OPN3: variants seen among roughly 807,000 people sequenced by gnomAD.
The protein encoded by OPN3 is opsin-3.
OPN3 carries 29 observed loss-of-function variants against 33.8 expected under a neutral mutation model. That is an observed-to-expected ratio of 0.86 (90% CI 0.64 to 1.17). The LOEUF (loss-of-function observed/expected upper bound fraction) is 1.17, where lower values mean the gene tolerates loss of function less well. OPN3 is among the 50% of genes most tolerant of loss of function. OPN3 has a pLI of 0.00. For synonymous variants in OPN3, 216 were observed against 216.1 expected, an observed-to-expected ratio of 1.00 and a Z score of 0.00; for missense variants, 437 against 514.1, an observed-to-expected ratio of 0.85 and a Z score of 1.45.
At chr1:241,598,617 C>G (rs1663600230) in intron 2 of OPN3, among the ~76,000 whole-genome samples, 1 of 152,174 alleles carries the variant, frequency 6.6e-6, no homozygotes, top group South Asian at 2.1e-4. Context: ...AAAACAACTC[C>G]TTCCTCTAAA....
At position 241,593,729 on chromosome 1, in the gene OPN3, A is replaced by C. The variant is rs1035659510; in HGVS notation, c.*699T>G. The C allele has an allele frequency of 3.9e-5, 6 of 155,132 alleles. No homozygotes were observed. Among genetic ancestry groups the C allele is most frequent in the Non-Finnish European group, 8.6e-5 (6 of 69,882 alleles). 9.6% of individuals were successfully genotyped at this position (155,132 alleles called of 1,614,324 possible). On this transcript the variant is annotated 3_prime_UTR_variant, in exon 4 of 4. Transcript: ENST00000366554. Reference sequence around the variant, plus strand: ...ACTCCCTGGCTTATATAGCATCGACAAAGAACAGTAAATTTTTAGAGAAAC... The same window carrying C: ...ACTCCCTGGCTTATATAGCATCGACCAAGAACAGTAAATTTTTAGAGAAAC...
chr1:241,607,440 G>A (rs1383930091), intron 1 of OPN3, among the ~76,000 whole-genome samples: 2 of 152,000 alleles, frequency 1.3e-5, no homozygotes, highest in African/African-American at 4.8e-5. Flanking sequence ...CTTGAACCTC[G>A]GAGACAGAGG....
intron 2 of OPN3, 147 bp from the exon 3 acceptor site, chr1:241,598,144 T>A (rs895107776): frequency 1.1e-6 from 1 of 886,344 alleles, no homozygotes; most frequent in Non-Finnish European, 1.7e-6. Flanking sequence ...TGACTTCTGA[T>A]CCAAGACTCA....
intron 1 of OPN3, among the ~76,000 whole-genome samples, chr1:241,614,711 C>T (rs1291982648): frequency 6.6e-6 from 1 of 152,272 alleles, no homozygotes; most frequent in Non-Finnish European, 1.5e-5. Flanking sequence ...GGACAGATAT[C>T]CTAGCCTTAG....
chr1:241,638,774 G>T (rs766671775), intron 1 of OPN3, among the ~76,000 whole-genome samples: 1 of 152,098 alleles, frequency 6.6e-6, no homozygotes, highest in African/African-American at 2.4e-5. Context: ...GCCAAAAAAT[G>T]AATCATTACA....
chr1:241,617,647 G>A (rs1664169071), intron 1 of OPN3, among the ~76,000 whole-genome samples: 1 of 152,170 alleles, frequency 6.6e-6, no homozygotes, highest in African/African-American at 2.4e-5. Context: ...AACACAGAGG[G>A]CGAGTGCGAC....
In OPN3 at chr1:241,640,203, C is replaced by T. The variant is rs1372607435; in HGVS notation, c.52G>A (p.Ala18Thr). The change falls in exon 1 of 4, where the codon GCC becomes ACC. Residue 18 changes from alanine to threonine, a missense_variant. Coordinates refer to ENST00000366554, the MANE Select transcript of OPN3 (RefSeq NM_014322.3). ...GGHGYWDGGG[A>T]AGAEGPAPAG... ...GGCGCCGGCCCCTCAGCGCCCGCGG[C>T]CCCGCCGCCGTCCCAGTAGCCGTGG... is the stretch of plus-strand genomic sequence containing the variant. 3.2e-5 allele frequency: 44 copies of T among 1,363,986 alleles called. No homozygotes were observed. In the African/African-American group the frequency reaches 3.7e-4, roughly 11 times the overall value. The allele number at this position is 1,363,986 out of a possible 1,614,324, so 84.5% of individuals were successfully genotyped here. A position where few individuals can be genotyped will look rare whatever the true frequency, so the allele number is the denominator to read the frequency against.
rs1391666410 is a variant in OPN3 at position 241,639,974 on chromosome 1, C to A, written c.281G>T (p.Gly94Val). ...GCAGGACACGAAGGTAAAGGTGACC[C>A]CGAAGAGGGACACCAGCAGGTCGCT... ...SLSDLLVSLF[G>V]VTFTFVSCLR... Residue 94 changes from glycine to valine, a missense_variant, in exon 1 of 4, where the codon GGG becomes GTG. Gly to Val is a moderately radical substitution (Grantham distance 109). Transcript: ENST00000366554. 6.2e-7 allele frequency: 1 copy of A among 1,612,314 alleles called. No homozygotes were observed. The highest frequency in any genetic ancestry group is 1.3e-5 in the African/African-American group (1 of 74,716).
chr1:241,616,837 C>T (rs1179437025), intron 1 of OPN3, among the ~76,000 whole-genome samples: 2 of 152,018 alleles, frequency 1.3e-5, no homozygotes, highest in Non-Finnish European at 2.9e-5. Flanking sequence ...AAAACAAGGC[C>T]AACTCCCTGC....
At chr1:241,625,613 T>G (rs1384125404) in intron 1 of OPN3, among the ~76,000 whole-genome samples, 1 of 152,156 alleles carries the variant, frequency 6.6e-6, no homozygotes, top group Non-Finnish European at 1.5e-5. Flanking sequence ...ATCTGTGTTA[T>G]AATAAACCAC....
intron 1 of OPN3, 85 bp downstream of exon 1, chr1:241,639,797 C>T: frequency 8.6e-7 from 1 of 1,160,952 alleles, no homozygotes; most frequent in Admixed American, 5.6e-5. Flanking sequence ...GCGGGGCGGG[C>T]TGGGGGGCGG....
At chr1:241,611,268 G>A (rs1201721141) in intron 1 of OPN3, among the ~76,000 whole-genome samples, 3 of 152,012 alleles carry the variant, frequency 2.0e-5, no homozygotes, top group African/African-American at 7.2e-5. Context: ...ACAGAAGAGC[G>A]TGCTTCAAAA....
chr1:241,607,965 T>C (rs550282383), intron 1 of OPN3, among the ~76,000 whole-genome samples: 2 of 152,208 alleles, frequency 1.3e-5, no homozygotes, highest in Non-Finnish European at 2.9e-5. Context: ...AAAAGTGATA[T>C]TATCCTTTCT....
At chr1:241,638,801 TTG>T (rs1199413105) in intron 1 of OPN3, among the ~76,000 whole-genome samples, 3 of 152,220 alleles carry the variant, frequency 2.0e-5, no homozygotes, top group African/African-American at 2.4e-5. Context: ...ATATTTGGGT[TTG>T]TCATAGCATA....
chr1:241,613,633 T>C (rs1447926525), intron 1 of OPN3, among the ~76,000 whole-genome samples: 2 of 152,220 alleles, frequency 1.3e-5, no homozygotes, highest in African/African-American at 4.8e-5. Context: ...ACTACCTTCA[T>C]TTGAATAATA....
intron 3 of OPN3, among the ~76,000 whole-genome samples, chr1:241,597,126 G>T (rs1414532482): frequency 6.6e-6 from 1 of 152,038 alleles, no homozygotes; most frequent in Non-Finnish European, 1.5e-5. Context: ...CACCACACCA[G>T]GCCCAGGAAG....
intron 1 of OPN3, among the ~76,000 whole-genome samples, chr1:241,617,899 C>A (rs995236384): frequency 7.2e-5 from 11 of 152,004 alleles, no homozygotes; most frequent in Admixed American, 3.9e-4. Flanking sequence ...TAAAGCAAAA[C>A]CCATATTGGT....
intron 1 of OPN3, chr1:241,635,663 A>C: frequency 1.2e-6 from 2 of 1,614,094 alleles, no homozygotes; most frequent in Non-Finnish European, 1.7e-6. Context: ...ATCAATATGC[A>C]GAACCCTCTG....
chr1:241,639,990 G>C lies in OPN3; in HGVS notation c.265C>G (p.Leu89Val). ...AAGGTGACCCCGAAGAGGGACACCA[G>C]CAGGTCGCTGAGGCTGATGTTGACC... ...LLVNISLSDL[L>V]VSLFGVTFTF... Residue 89 changes from leucine to valine, a missense_variant, in exon 1 of 4, where the codon CTG (leucine) becomes GTG (valine). Leu to Val is a conservative substitution (Grantham distance 32, BLOSUM62 1). Transcript: ENST00000366554. The C allele has an allele frequency of 6.2e-7, 1 of 1,612,870 alleles. No homozygotes were observed. Among genetic ancestry groups the C allele is most frequent in the Non-Finnish European group, 8.5e-7 (1 of 1,179,512 alleles).
Sources: allele counts gnomAD v4.1 joint callset (sites outside exome capture counted in the v4.1 genomes callset), GRCh38; gene constraint gnomAD v4.1.1; transcripts MANE v1.5; gene names NCBI Gene and HGNC (gene_info 2026-07-23, HGNC 2026-07-21).